CFAP184: variants seen among roughly 807,000 people sequenced by gnomAD.
The protein encoded by CFAP184 is cilia- and flagella-associated protein 184.
chr4:7,041,139 G>T, the CFAP184 span: 2 of 1,365,550 alleles, frequency 1.5e-6, no homozygotes, highest in Non-Finnish European at 9.6e-7. Context: ...AAGCTAAAAC[G>T]TTTTGAGATA....
At chr4:7,041,014 G>A in the CFAP184 span, 1 of 415,058 alleles carries the variant, frequency 2.4e-6, no homozygotes, top group African/African-American at 2.0e-5. Context: ...ACTTTTGACA[G>A]TTTTTCATGA....
At chr4:7,042,162 T>A in the CFAP184 span, 1 of 1,599,970 alleles carries the variant, frequency 6.3e-7, no homozygotes, top group African/African-American at 1.4e-5. Flanking sequence ...GGCCCTTCTT[T>A]CTGCGCAGCG....
At chr4:7,042,267 C>A in the CFAP184 span, 1 of 1,592,640 alleles carries the variant, frequency 6.3e-7, no homozygotes, top group Non-Finnish European at 8.6e-7. Context: ...GGTCGCTGCG[C>A]AGCTGCTGCT....
At chr4:7,042,250 T>G in the CFAP184 span, 4 of 1,596,134 alleles carry the variant, frequency 2.5e-6, no homozygotes, top group African/African-American at 1.3e-5. Flanking sequence ...ACGGTACTGG[T>G]CCAGGAGGTC....
chr4:7,042,254 G>C, the CFAP184 span: 11 of 1,595,366 alleles, frequency 6.9e-6, no homozygotes, highest in Non-Finnish European at 9.4e-6. Flanking sequence ...TACTGGTCCA[G>C]GAGGTCGCTG....
chr4:7,042,740 C>A, the CFAP184 span: 2 of 1,523,704 alleles, frequency 1.3e-6, no homozygotes, highest in Admixed American at 2.0e-5. Context: ...GGGGCCTCGG[C>A]CTGCTCGTCC....
the CFAP184 span, chr4:7,041,369 G>A: frequency 3.7e-6 from 6 of 1,614,232 alleles, no homozygotes; most frequent in South Asian, 4.4e-5. Context: ...GATTCCAGGC[G>A]CCGGTGAAGC....
the CFAP184 span, chr4:7,042,475 G>A: frequency 1.2e-6 from 2 of 1,610,330 alleles, no homozygotes; most frequent in Non-Finnish European, 1.7e-6. Flanking sequence ...CGGGGCTGCA[G>A]CAGCCTCTTC....
the CFAP184 span, chr4:7,042,053 T>G: frequency 1.9e-6 from 3 of 1,611,002 alleles, no homozygotes; most frequent in African/African-American, 1.3e-5. Context: ...GCCTGCTGCT[T>G]CTTCAGCTCC....
At chr4:7,042,370 C>T in the CFAP184 span, 1 of 1,610,634 alleles carries the variant, frequency 6.2e-7, no homozygotes, top group Non-Finnish European at 8.5e-7. Context: ...TTTGGCCGGG[C>T]GTCCTTCCCC....
the CFAP184 span, chr4:7,041,812 C>T: frequency 1.2e-6 from 2 of 1,610,766 alleles, no homozygotes; most frequent in Middle Eastern, 3.3e-4. Context: ...GTTCTCCAGC[C>T]GCACGGCGCT....
the CFAP184 span, chr4:7,042,290 G>T: frequency 1.3e-6 from 2 of 1,587,272 alleles, no homozygotes; most frequent in Non-Finnish European, 1.7e-6. Flanking sequence ...TGCAGCTTCT[G>T]GACCTCCTCG....
the CFAP184 span, chr4:7,042,654 G>A: frequency 1.3e-6 from 2 of 1,498,890 alleles, no homozygotes; most frequent in African/African-American, 2.8e-5. Context: ...CTTCGGGCTC[G>A]GGCTGGGGCT....
chr4:7,040,965 TATTACATC>T, the CFAP184 span: 1 of 301,450 alleles, frequency 3.3e-6, no homozygotes, highest in Admixed American at 4.5e-5. Context: ...TACTCTTTAG[TATTACATC>T]ACTGAAATTA....
chr4:7,042,682 T>C, the CFAP184 span: 2 of 1,504,578 alleles, frequency 1.3e-6, no homozygotes, highest in South Asian at 1.3e-5. Context: ...CCTCCCCGGC[T>C]CTCCAGGCCC....
the CFAP184 span, chr4:7,041,429 T>A: frequency 6.2e-7 from 1 of 1,614,216 alleles, no homozygotes; most frequent in African/African-American, 1.3e-5. Flanking sequence ...AGTGAGTCCT[T>A]GCCTAGAAGG....
At chr4:7,041,964 C>T in the CFAP184 span, 2 of 1,612,524 alleles carry the variant, frequency 1.2e-6, no homozygotes, top group South Asian at 2.2e-5. Flanking sequence ...GTCGCCACTC[C>T]TTCTCCACCC....
the CFAP184 span, chr4:7,042,767 G>A: frequency 3.9e-6 from 6 of 1,537,168 alleles, 1 homozygote; most frequent in South Asian, 6.0e-5. Flanking sequence ...GTGCCTCCCT[G>A]CGAAGCCGCT....
chr4:7,042,299 C>T, the CFAP184 span: 3 of 1,592,832 alleles, frequency 1.9e-6, no homozygotes, highest in South Asian at 3.3e-5. Context: ...TGGACCTCCT[C>T]GGACCACTCG....
Sources: gnomAD v4.1 joint callset for allele counts on GRCh38, gnomAD v4.1.1 for gene constraint, MANE v1.5 for transcripts, NCBI Gene and HGNC (gene_info 2026-07-23, HGNC 2026-07-21) for gene names.